SLIT1: variants seen among roughly 807,000 people sequenced by gnomAD.
The protein encoded by SLIT1 is slit guidance ligand 1, also known as slit homolog 1 protein.
SLIT1 carries 66 observed loss-of-function variants against 186.1 expected under a neutral mutation model. The ratio of observed to expected loss-of-function variants is 0.35; its 90% confidence interval spans 0.29 to 0.44. SLIT1 has a LOEUF of 0.44. Ranked by LOEUF, SLIT1 falls within the 20% of genes least tolerant of loss-of-function variation. The pLI, the probability that SLIT1 is intolerant of heterozygous loss-of-function variation, is 1.00. For synonymous variants in SLIT1, 761 were observed against 833.8 expected, an observed-to-expected ratio of 0.91 and a Z score of 1.50; for missense variants, 1,638 against 2,037.4, an observed-to-expected ratio of 0.80 and a Z score of 3.77.
Position 97,004,056 on chromosome 10 carries a change from C to T in SLIT1, c.3865+12G>A. 6.3e-7 allele frequency: 1 copy of T among 1,597,940 alleles called. No individual in the cohort carries two copies. ...GACAGCAAAAGAGGCCCCGCCAGGGCCAGGTCCTCACCTCCCACATAGAGT... is the reference window on the plus strand; with the variant it reads ...GACAGCAAAAGAGGCCCCGCCAGGGTCAGGTCCTCACCTCCCACATAGAGT... On this transcript the variant is annotated intron_variant, in intron 34 of 36. Transcript: ENST00000266058. The surrounding 1 kb of genome is among the most constrained non-coding windows in gnomAD (Gnocchi z 5.1).
intron 4 of SLIT1, among the ~76,000 whole-genome samples, chr10:97,073,655 G>A (rs1849021073): frequency 6.6e-6 from 1 of 152,214 alleles, no homozygotes; most frequent in African/African-American, 2.4e-5. Flanking sequence ...GGGGATGCGG[G>A]GATGCTGGTC....
At chr10:97,081,842 A>G (rs371471209) in intron 4 of SLIT1, among the ~76,000 whole-genome samples, 1 of 152,164 alleles carries the variant, frequency 6.6e-6, no homozygotes, top group Non-Finnish European at 1.5e-5. Context: ...GTGGTCCTGA[A>G]TCCATCCGGC....
At chr10:97,114,427 G>A (rs1379837226) in intron 4 of SLIT1, among the ~76,000 whole-genome samples, 2 of 152,210 alleles carry the variant, frequency 1.3e-5, no homozygotes, top group Admixed American at 6.5e-5. Context: ...GGCCAAGGCA[G>A]GAGGATCATT....
rs1397280438 is a variant in SLIT1, at chr10:97,119,925, A to G, written c.413+37893T>C. ...TTTTTCCAAAGGGGTATATATATAT[A>G]TATATATATATATATATATATGTAT... On this transcript the variant is annotated intron_variant, in intron 4 of 36. Coordinates refer to ENST00000266058, the MANE Select transcript of SLIT1 (RefSeq NM_003061.3). Among the ~76,000 whole-genome samples the G allele has an allele frequency of 6.8e-4, 87 of 127,662 alleles. 2 individuals are homozygous for G. The highest frequency in any genetic ancestry group is 2.5e-3 in the African/African-American group (84 of 33,906). 83.8% of individuals were successfully genotyped at this position (127,662 alleles called of 152,430 possible). A position where few individuals can be genotyped will look rare whatever the true frequency, so the allele number is the denominator to read the frequency against.
chr10:97,076,182 C>G (rs551845506), intron 4 of SLIT1, among the ~76,000 whole-genome samples: 1 of 152,208 alleles, frequency 6.6e-6, no homozygotes, highest in Non-Finnish European at 1.5e-5. Flanking sequence ...AGGTGTGGGG[C>G]TCCCTGGTGA....
intron 4 of SLIT1, among the ~76,000 whole-genome samples, chr10:97,150,998 C>T (rs1487761323): frequency 1.3e-5 from 2 of 151,838 alleles, no homozygotes; most frequent in African/African-American, 2.4e-5. Flanking sequence ...GTATACCTGC[C>T]CCCCCGCCGG....
At chr10:97,126,167 C>T (rs1797670408) in intron 4 of SLIT1, among the ~76,000 whole-genome samples, 1 of 152,172 alleles carries the variant, frequency 6.6e-6, no homozygotes. Flanking sequence ...TTTTTAATAA[C>T]TTTCCGATGT....
rs182115841 is a variant in SLIT1, at chr10:97,148,377, C to T, written c.413+9441G>A. On this transcript the variant is annotated intron_variant, in intron 4 of 36. Transcript: ENST00000266058. ...AGTCATAACTCATTATAACCTCAAA[C>T]TCCTGGGCTCAAGCGATCCTCACAC... is the stretch of plus-strand genomic sequence containing the variant. Among the ~76,000 whole-genome samples, 347 of 151,698 alleles carry T rather than the reference C, an allele frequency of 2.3e-3. 1 individual carries two copies. Among genetic ancestry groups the T allele is most frequent in the Non-Finnish European group, 3.4e-3 (229 of 67,956 alleles).
At chr10:97,119,371 G>A (rs1401608761) in intron 4 of SLIT1, among the ~76,000 whole-genome samples, 1 of 152,182 alleles carries the variant, frequency 6.6e-6, no homozygotes, top group African/African-American at 2.4e-5. Flanking sequence ...TGGCCAGCCT[G>A]GCTGCTGCCT....
chr10:97,089,903 T>TC (rs1432838605), intron 4 of SLIT1, among the ~76,000 whole-genome samples: 1 of 152,152 alleles, frequency 6.6e-6, no homozygotes, highest in Non-Finnish European at 1.5e-5. Flanking sequence ...TCTGAGCTTG[T>TC]CCCCTAACAT....
chr10:97,152,398 C>T (rs1021253504), intron 4 of SLIT1, among the ~76,000 whole-genome samples: 2 of 152,186 alleles, frequency 1.3e-5, no homozygotes, highest in Non-Finnish European at 2.9e-5. Flanking sequence ...GTGCAGGTCA[C>T]GCTGGGGCTG....
intron 30 of SLIT1, among the ~76,000 whole-genome samples, chr10:97,013,252 C>T (rs1259945301): frequency 1.3e-5 from 2 of 152,196 alleles, no homozygotes; most frequent in African/African-American, 2.4e-5. Context: ...CACACCAGTG[C>T]GGGGCAGCTT....
At chr10:97,164,750 G>T in intron 2 of SLIT1, 69 bp downstream of exon 2, 1 of 1,210,864 alleles carries the variant, frequency 8.3e-7, no homozygotes, top group Non-Finnish European at 1.2e-6. Context: ...ACCACCCACA[G>T]CCAGGGCCCT....
intron 4 of SLIT1, among the ~76,000 whole-genome samples, chr10:97,078,302 G>A (rs922641681): frequency 1.3e-5 from 2 of 151,890 alleles, no homozygotes; most frequent in Non-Finnish European, 2.9e-5. Flanking sequence ...AGCTGGAGAG[G>A]TGCGCCCCTT....
At chr10:97,160,315 G>A (rs917563608) in intron 3 of SLIT1, among the ~76,000 whole-genome samples, 1 of 152,208 alleles carries the variant, frequency 6.6e-6, no homozygotes, top group African/African-American at 2.4e-5. Context: ...ATAAATGAAT[G>A]AAATGCTAGT....
At position 97,043,129 on chromosome 10, in the gene SLIT1, C is replaced by A. The variant is rs1848704107; in HGVS notation, c.1998-62G>T. 3 of 1,559,712 alleles carry A rather than the reference C, an allele frequency of 1.9e-6. No individual in the cohort carries two copies. Among genetic ancestry groups the A allele is most frequent in the South Asian group, 1.2e-5 (1 of 84,068 alleles). On this transcript the variant is annotated intron_variant, in intron 19 of 36. Transcript: ENST00000266058. This position sits in a 1 kb window ranked among gnomAD's most constrained non-coding sequence, Gnocchi z 7.0. ...TGCCCCTCTCAGAGGTCCCAGCAAA[C>A]CCCTCCTGTACCACGGACACAGGGC...
chr10:97,116,606 TGG>T (rs1849512419), intron 4 of SLIT1, among the ~76,000 whole-genome samples: 2 of 152,296 alleles, frequency 1.3e-5, no homozygotes, highest in African/African-American at 4.8e-5. Context: ...GCAGTGGGGC[TGG>T]GGGCTGGGCA....
At chr10:97,163,151 C>G (rs988680557) in intron 3 of SLIT1, among the ~76,000 whole-genome samples, 4 of 152,234 alleles carry the variant, frequency 2.6e-5, no homozygotes, top group Non-Finnish European at 5.9e-5. Flanking sequence ...ACAACAGGGA[C>G]AGTTGCATGG....
At chr10:97,038,868 C>T (rs1051382077) in intron 21 of SLIT1, among the ~76,000 whole-genome samples, 5 of 152,154 alleles carry the variant, frequency 3.3e-5, no homozygotes, top group African/African-American at 1.2e-4. Flanking sequence ...GATGACAAAA[C>T]TGAGGTTTAG....
Sources: gnomAD v4.1 joint callset for allele counts (sites outside exome capture counted in the v4.1 genomes callset) on GRCh38, gnomAD v4.1.1 for gene constraint, Gnocchi (gnomAD v3.1) non-coding constraint, MANE v1.5 for transcripts, NCBI Gene and HGNC (gene_info 2026-07-23, HGNC 2026-07-21) for gene names.